IQSEC3: variants seen among roughly 807,000 people sequenced by gnomAD.
The protein encoded by IQSEC3 is IQ motif and SEC7 domain-containing protein 3.
In IQSEC3, 50 loss-of-function variants were observed where a neutral mutation model predicts 105.4. The observed-to-expected ratio is 0.47, with a 90% CI of 0.38 to 0.60. IQSEC3 has a LOEUF of 0.60. IQSEC3 is among the 20% of genes least tolerant of loss of function. IQSEC3 has a pLI of 0.00. For synonymous variants in IQSEC3, 708 were observed against 746.0 expected, an observed-to-expected ratio of 0.95 and a Z score of 0.83; for missense variants, 1,415 against 1,630.0, an observed-to-expected ratio of 0.87 and a Z score of 2.27.
intron 1 of IQSEC3, among the ~76,000 whole-genome samples, chr12:76,129 CACA>C (rs1863514603): frequency 6.8e-6 from 1 of 146,698 alleles, no homozygotes; most frequent in South Asian, 2.2e-4. Context: ...CACACACACA[CACA>C]AGGCCTCAGC....
At chr12:82,752 A>G (rs936015082) in intron 1 of IQSEC3, among the ~76,000 whole-genome samples, 1 of 152,192 alleles carries the variant, frequency 6.6e-6, no homozygotes, top group African/African-American at 2.4e-5. Context: ...CTGTATTCCA[A>G]GCAACGTGAG....
chr12:158,791 C>T (rs11061675), intron 7 of IQSEC3, among the ~76,000 whole-genome samples: 20,572 of 152,040 alleles, frequency 0.14, 3,201 homozygotes, highest in African/African-American at 0.38. Flanking sequence ...CCCAAGTAGC[C>T]GGGATTACAG....
intron 13 of IQSEC3, among the ~76,000 whole-genome samples, chr12:174,373 C>T (rs1939159096): frequency 6.6e-6 from 1 of 152,180 alleles, no homozygotes; most frequent in Non-Finnish European, 1.5e-5. Flanking sequence ...TACAGCGACA[C>T]TGCTCACAGT....
intron 1 of IQSEC3, among the ~76,000 whole-genome samples, chr12:85,028 A>C (rs140018782): frequency 4.4e-4 from 67 of 152,348 alleles, no homozygotes; most frequent in African/African-American, 1.5e-3. Flanking sequence ...CTCAAATGGC[A>C]TTAATAATAA....
intron 13 of IQSEC3, 44 bp downstream of exon 13, chr12:171,205 C>T (rs556627316): frequency 2.0e-5 from 33 of 1,613,878 alleles, no homozygotes; most frequent in South Asian, 1.2e-4. Context: ...TACCCTGCCC[C>T]CTTGTTCTTC....
chr12:135,955 C>G (rs552416739), intron 3 of IQSEC3, among the ~76,000 whole-genome samples: 1 of 152,304 alleles, frequency 6.6e-6, no homozygotes, highest in African/African-American at 2.4e-5. Context: ...CACAGAGCTG[C>G]ATGAGAAATA....
chr12:78,294 C>CGGGTGCTGGGTGCTGGGTGCT (rs1311789663), intron 1 of IQSEC3, among the ~76,000 whole-genome samples: 1 of 151,418 alleles, frequency 6.6e-6, no homozygotes, highest in African/African-American at 2.4e-5. Context: ...GCCTTCGGGC[C>CGGGTGCTGGGTGCTGGGTGCT]GGGTGCTGGG....
chr12:149,126 G>A (rs1866402574), intron 5 of IQSEC3: 1 of 152,206 alleles, frequency 6.6e-6, no homozygotes, highest in Non-Finnish European at 1.5e-5. Flanking sequence ...CCCAACGCTT[G>A]TGAGGTATTT....
At chr12:89,424 AG>A (rs1555072852) in intron 1 of IQSEC3, among the ~76,000 whole-genome samples, 1 of 152,212 alleles carries the variant, frequency 6.6e-6, no homozygotes, top group African/African-American at 2.4e-5. Flanking sequence ...GAAGAGGAAA[AG>A]ATTTTGGTCT....
chr12:155,161 G>A (rs1555093819), intron 5 of IQSEC3, among the ~76,000 whole-genome samples: 2 of 152,344 alleles, frequency 1.3e-5, no homozygotes, highest in Non-Finnish European at 2.9e-5. Context: ...AGGGTGCAGG[G>A]TGGAGGTGAG....
At position 152,030 on chromosome 12, in the gene IQSEC3, G is replaced by A. The variant is rs1472786230; in HGVS notation, c.2154-4995G>A. ...TAGGTAAAGAATTATTTTTGACTCT[G>A]TGTTCAATGCCTGTCTCTCCCACCA... is the stretch of plus-strand genomic sequence containing the variant. On this transcript the variant is annotated intron_variant, in intron 5 of 13. Coordinates refer to ENST00000538872, the MANE Select transcript of IQSEC3 (RefSeq NM_001170738.2). This position sits in a 1 kb window ranked among gnomAD's most constrained non-coding sequence, Gnocchi z 4.8. 1.3e-5 allele frequency among the ~76,000 whole-genome samples: 2 copies of A among 152,072 alleles called. No homozygotes were observed. The highest frequency in any genetic ancestry group is 4.8e-5 in the African/African-American group (2 of 41,390).
chr12:94,425 G>A (rs1864183365), intron 1 of IQSEC3, among the ~76,000 whole-genome samples: 1 of 152,212 alleles, frequency 6.6e-6, no homozygotes, highest in African/African-American at 2.4e-5. Flanking sequence ...GGCAGGCAAG[G>A]CAGGACTTAC....
chr12:148,207 A>C (rs1866359654), intron 5 of IQSEC3: 3 of 152,124 alleles, frequency 2.0e-5, no homozygotes, highest in Non-Finnish European at 2.9e-5. Context: ...GTGCTTCCAA[A>C]AGGTGGTCCC....
chr12:147,551 T>G (rs1426108983), intron 5 of IQSEC3, among the ~76,000 whole-genome samples: 1 of 152,052 alleles, frequency 6.6e-6, no homozygotes, highest in Non-Finnish European at 1.5e-5. Context: ...CGTGCGTCAT[T>G]CCAGGACCCC....
At position 152,457 on chromosome 12, in the gene IQSEC3, C is replaced by T. The variant is rs1866541722; in HGVS notation, c.2154-4568C>T. Among the ~76,000 whole-genome samples the T allele has an allele frequency of 6.6e-6, 1 of 152,156 alleles. No homozygotes were observed. The highest frequency in any genetic ancestry group is 2.4e-5 in the African/African-American group (1 of 41,422). Reference sequence around the variant, plus strand: ...GGGAGAGGTGAGGGAGAGGAGGGCACAGGGGACCACCTGCCCCAGGAGATG... The same window carrying T: ...GGGAGAGGTGAGGGAGAGGAGGGCATAGGGGACCACCTGCCCCAGGAGATG... On this transcript the variant is annotated intron_variant, in intron 5 of 13. Coordinates refer to ENST00000538872, the MANE Select transcript of IQSEC3 (RefSeq NM_001170738.2). The surrounding 1 kb of genome is among the most constrained non-coding windows in gnomAD (Gnocchi z 4.8).
intron 5 of IQSEC3, among the ~76,000 whole-genome samples, chr12:155,976 T>A (rs1555094115): frequency 6.6e-6 from 1 of 152,094 alleles, no homozygotes; most frequent in Non-Finnish European, 1.5e-5. Flanking sequence ...GTCCCCTGCT[T>A]TTCCAGGCCT....
chr12:96,190 G>T (rs956209104), intron 1 of IQSEC3, among the ~76,000 whole-genome samples: 1 of 152,132 alleles, frequency 6.6e-6, no homozygotes, highest in Non-Finnish European at 1.5e-5. Context: ...TTGAAATATG[G>T]CGGTCACAGG....
At chr12:160,274 A>G (rs1402560038) in intron 7 of IQSEC3, among the ~76,000 whole-genome samples, 1 of 151,994 alleles carries the variant, frequency 6.6e-6, no homozygotes, top group Non-Finnish European at 1.5e-5. Context: ...AGAGTGAGCC[A>G]CCAGAAAGCG....
intron 3 of IQSEC3, among the ~76,000 whole-genome samples, chr12:134,122 C>T (rs1865682412): frequency 1.3e-5 from 2 of 152,160 alleles, no homozygotes; most frequent in Non-Finnish European, 2.9e-5. Flanking sequence ...GAGGCAGGAG[C>T]GGGAGAGCGT....
Sources: gnomAD v4.1 joint callset for allele counts (sites outside exome capture counted in the v4.1 genomes callset) on GRCh38, gnomAD v4.1.1 for gene constraint, Gnocchi (gnomAD v3.1) non-coding constraint, MANE v1.5 for transcripts, NCBI Gene and HGNC (gene_info 2026-07-23, HGNC 2026-07-21) for gene names.